The following SPAG9 variants were observed in gnomAD, a reference collection of about 807,000 sequenced individuals.
The protein encoded by SPAG9 is sperm associated antigen 9.
Under a neutral mutation model 166.5 loss-of-function variants are expected in SPAG9, and 35 were observed. The observed-to-expected ratio is 0.21, with a 90% confidence interval of 0.16 to 0.28. The LOEUF (loss-of-function observed/expected upper bound fraction) is 0.28, where lower values mean the gene tolerates loss of function less well. SPAG9 is among the 10% of genes least tolerant of loss of function. SPAG9 has a pLI of 1.00. For missense variants in SPAG9, 1,235 were observed against 1,603.3 expected, an observed-to-expected ratio of 0.77 and a Z score of 3.92; for synonymous variants, 534 against 565.5, an observed-to-expected ratio of 0.94 and a Z score of 0.79.
intron 2 of SPAG9, among the ~76,000 whole-genome samples, chr17:51,068,149 G>A (rs2047726504): frequency 6.6e-6 from 1 of 152,192 alleles, no homozygotes; most frequent in Non-Finnish European, 1.5e-5. Context: ...TCAGAAGATT[G>A]ACATGTGGTC....
chr17:51,114,069 T>C (rs1209613185), intron 1 of SPAG9, among the ~76,000 whole-genome samples: 1 of 152,074 alleles, frequency 6.6e-6, no homozygotes, highest in Non-Finnish European at 1.5e-5. Context: ...CTCACGCTTG[T>C]AATCCCAGCA....
At chr17:51,037,665 TTATATA>T (rs59365716) in intron 5 of SPAG9, among the ~76,000 whole-genome samples, 4 of 92,930 alleles carry the variant, frequency 4.3e-5, no homozygotes, top group Admixed American at 1.3e-4. Flanking sequence ...TATATGTGTT[TTATATA>T]TATATATATA....
intron 2 of SPAG9, among the ~76,000 whole-genome samples, chr17:51,066,567 G>GAAAA (rs71149340): frequency 8.1e-5 from 9 of 110,838 alleles, no homozygotes; most frequent in South Asian, 3.0e-4. Flanking sequence ...AAAAAAAAAA[G>GAAAA]AAAAAAAAAA....
chr17:51,014,618 T>C (rs1291302155), intron 8 of SPAG9: 1 of 309,510 alleles, frequency 3.2e-6, no homozygotes. Flanking sequence ...CTCTGCTCTA[T>C]ACCAGGTGCT....
chr17:51,015,220 G>A (rs1469113737), intron 8 of SPAG9, among the ~76,000 whole-genome samples: 1 of 152,132 alleles, frequency 6.6e-6, no homozygotes, highest in Admixed American at 6.5e-5. Flanking sequence ...CTAAGCCACT[G>A]GGGTTTAGGG....
intron 2 of SPAG9, among the ~76,000 whole-genome samples, chr17:51,077,174 A>C (rs1242686815): frequency 1.3e-5 from 2 of 151,512 alleles, no homozygotes; most frequent in African/African-American, 4.8e-5. Flanking sequence ...GCCCAGGCCA[A>C]GTGTAGTGGT....
At position 50,969,472 on chromosome 17, in the gene SPAG9, C is replaced by T. The variant is rs1304917070; in HGVS notation, c.3850+1235G>A. Among the ~76,000 whole-genome samples the T allele has an allele frequency of 2.6e-5, 4 of 152,132 alleles. No individual in the cohort carries two copies. In the East Asian group the frequency reaches 7.7e-4, roughly 29 times the overall value. ...CATTCACTTGTTCCCAACTCATTTC[C>T]CTAGGTCTAGTCTTGAACCTCCAGT... is the stretch of plus-strand genomic sequence containing the variant. On this transcript the variant is annotated intron_variant, in intron 29 of 29. Transcript: ENST00000262013.
At chr17:51,035,321 C>T (rs1352631686) in intron 5 of SPAG9, among the ~76,000 whole-genome samples, 1 of 152,144 alleles carries the variant, frequency 6.6e-6, no homozygotes, top group Admixed American at 6.5e-5. Context: ...TCAGGGGATG[C>T]TGCGTGAAGG....
At chr17:51,002,182 AT>A (rs1463478405) in intron 12 of SPAG9, among the ~76,000 whole-genome samples, 1 of 151,914 alleles carries the variant, frequency 6.6e-6, no homozygotes, top group Non-Finnish European at 1.5e-5. Flanking sequence ...CGCCTGACTA[AT>A]TTTTAAATTT....
chr17:51,079,201 G>A (rs2048096231), intron 2 of SPAG9, among the ~76,000 whole-genome samples: 1 of 150,410 alleles, frequency 6.6e-6, no homozygotes, highest in South Asian at 2.1e-4. Flanking sequence ...CGAATTTCAG[G>A]ATGAGTCATT....
intron 1 of SPAG9, among the ~76,000 whole-genome samples, chr17:51,083,417 G>C (rs1598149911): frequency 6.6e-6 from 1 of 150,854 alleles, no homozygotes; most frequent in Admixed American, 6.6e-5. Flanking sequence ...GTATATTTTT[G>C]GTAGAGACGG....
At position 51,112,671 on chromosome 17, in the gene SPAG9, C is replaced by CAAAAAA. The variant is rs1206604151; in HGVS notation, c.303+7677_303+7682dup. Among the ~76,000 whole-genome samples, 31 of 41,394 alleles carry CAAAAAA rather than the reference C, an allele frequency of 7.5e-4. 1 individual carries two copies. Among genetic ancestry groups the CAAAAAA allele is most frequent in the African/African-American group, 1.3e-3 (21 of 16,412 alleles). 27.2% of individuals were successfully genotyped at this position (41,394 alleles called of 152,430 possible). ...GCGACAGAGCCAGACTCTGTCTCAA[C>CAAAAAA]AAAAAAAAAAAAAAAAAAAAAAAAA... On this transcript the variant is annotated intron_variant, in intron 1 of 29. Transcript: ENST00000262013.
chr17:51,022,670 C>T (rs571524111), intron 6 of SPAG9, among the ~76,000 whole-genome samples: 28 of 150,490 alleles, frequency 1.9e-4, no homozygotes, highest in South Asian at 1.0e-3. Flanking sequence ...AACAATAGGC[C>T]GGGTGCAGTG....
chr17:51,069,404 T>C (rs1305119881), intron 2 of SPAG9, among the ~76,000 whole-genome samples: 4 of 152,074 alleles, frequency 2.6e-5, no homozygotes, highest in African/African-American at 9.7e-5. Context: ...TGTACAAGCC[T>C]GAATGTATTT....
At chr17:50,966,551 C>T (rs564210932) in intron 29 of SPAG9, among the ~76,000 whole-genome samples, 164 bp from the exon 30 acceptor site, 13 of 152,294 alleles carry the variant, frequency 8.5e-5, no homozygotes, top group Non-Finnish European at 1.9e-4. Flanking sequence ...TCAGAATCCT[C>T]ACCCATATTC....
chr17:51,047,475 T>A lies in SPAG9; in HGVS notation c.496-6A>T. Reference sequence around the variant, plus strand: ...TCCATATAATTATGGATCATCTATTTTAAAGAAAGAAAAAATACACAATAT... The same window carrying A: ...TCCATATAATTATGGATCATCTATTATAAAGAAAGAAAAAATACACAATAT... On this transcript the variant is annotated splice_polypyrimidine_tract_variant and splice_region_variant and intron_variant, in intron 3 of 29. Coordinates refer to ENST00000262013, the MANE Select transcript of SPAG9 (RefSeq NM_001130528.3). 7.4e-7 allele frequency: 1 copy of A among 1,359,294 alleles called. No homozygotes were observed. The highest frequency in any genetic ancestry group is 2.0e-5 in the African/African-American group (1 of 50,668). The allele number at this position is 1,359,294 out of a possible 1,614,324, so 84.2% of individuals were successfully genotyped here.
At chr17:51,046,365 A>C in intron 4 of SPAG9, 3 of 633,802 alleles carry the variant, frequency 4.7e-6, no homozygotes, top group Non-Finnish European at 8.1e-6. Context: ...ACTATAAATT[A>C]GAATCAAAAA....
Position 51,075,737 on chromosome 17 carries a change from T to C in SPAG9, c.424+3847A>G, listed in dbSNP as rs568997065. Among the ~76,000 whole-genome samples the C allele has an allele frequency of 8.6e-5, 13 of 151,824 alleles. No homozygotes were observed. The East Asian group carries it at 2.3e-3, about 27-fold the overall frequency. On this transcript the variant is annotated intron_variant, in intron 2 of 29. Coordinates refer to ENST00000262013, the MANE Select transcript of SPAG9 (RefSeq NM_001130528.3). ...TATTTGGGAGGCTAAGGTGGGAGGA[T>C]CACTTGAGCCTGGGAGTTCAAGGAT...
At chr17:51,049,303 G>C (rs529776016) in intron 3 of SPAG9, among the ~76,000 whole-genome samples, 1 of 151,856 alleles carries the variant, frequency 6.6e-6, no homozygotes, top group Admixed American at 6.6e-5. Context: ...GAAGTTCAAG[G>C]CTGCTGTGAG....
Sources: gnomAD v4.1 joint callset for allele counts (sites outside exome capture counted in the v4.1 genomes callset) on GRCh38, gnomAD v4.1.1 for gene constraint, MANE v1.5 for transcripts, NCBI Gene and HGNC (gene_info 2026-07-23, HGNC 2026-07-21) for gene names.